Variants in GK5 observed in about 807,000 individuals in gnomAD.
The protein encoded by GK5 is ATP:glycerol 3-phosphotransferase 5.
Under a neutral mutation model 77.3 loss-of-function variants are expected in GK5, and 39 were observed. That is an observed-to-expected ratio of 0.50 (90% CI 0.39 to 0.66). The LOEUF is 0.66. Among genes scored for constraint, GK5 ranks in the 30% least tolerant of loss-of-function variants. GK5 has a pLI of 0.00. For synonymous variants in GK5, 211 were observed against 208.0 expected (o/e 1.01, Z -0.13); for missense variants, 487 against 633.8 (o/e 0.77, Z 2.49).
rs747203606 is a variant in GK5, at chr3:142,186,244, G to A, written c.705C>T (p.Thr235=). Reference sequence around the variant, plus strand: ...GAGAAAGTGGTATCGAAATTAGAGAGGTAATCATCCCACTCCAACACATCT... The same window carrying A: ...GAGAAAGTGGTATCGAAATTAGAGAAGTAATCATCCCACTCCAACACATCT... The part of the protein sequence containing the change: ...PYKMCWSGMI[T]SLISIPLSLL... The change falls in exon 8 of 16, where the codon ACC becomes ACT. Residue 235 remains threonine (T), a synonymous_variant. Transcript: ENST00000392993. 1.2e-6 allele frequency: 2 copies of A among 1,606,200 alleles called. No individual in the cohort carries two copies. Among genetic ancestry groups the A allele is most frequent in the Middle Eastern group, 1.7e-4 (1 of 6,046 alleles).
intron 2 of GK5, among the ~76,000 whole-genome samples, chr3:142,214,115 T>G (rs1016962352): frequency 1.3e-5 from 2 of 152,228 alleles, no homozygotes; most frequent in African/African-American, 4.8e-5. Flanking sequence ...TGAGCCACTG[T>G]GCCCGGCCTT....
At chr3:142,224,268 G>A (rs193252532) in intron 1 of GK5, among the ~76,000 whole-genome samples, 17 of 152,190 alleles carry the variant, frequency 1.1e-4, no homozygotes, top group African/African-American at 4.1e-4. Flanking sequence ...AATTTAGCCA[G>A]GCATGGTGGC....
chr3:142,182,074 A>G (rs1013128814), intron 10 of GK5, among the ~76,000 whole-genome samples: 3 of 152,220 alleles, frequency 2.0e-5, no homozygotes, highest in Admixed American at 2.0e-4. Context: ...GTTAGGGGAA[A>G]AAGAAGAGCT....
At chr3:142,183,187 ATCC>A in intron 9 of GK5, 138 bp from the exon 10 acceptor site, 4 of 738,934 alleles carry the variant, frequency 5.4e-6, no homozygotes, top group Non-Finnish European at 8.4e-6. Flanking sequence ...AAAAAAAAAA[ATCC>A]CAAAGAGAAT....
intron 2 of GK5, among the ~76,000 whole-genome samples, chr3:142,214,419 T>A (rs989096979): frequency 6.6e-6 from 1 of 152,170 alleles, no homozygotes; most frequent in African/African-American, 2.4e-5. Flanking sequence ...GCAACTCGAG[T>A]ATTTTTTGTG....
intron 3 of GK5, among the ~76,000 whole-genome samples, chr3:142,205,308 T>TA (rs886993670): frequency 2.8e-3 from 420 of 148,560 alleles, no homozygotes; most frequent in African/African-American, 7.9e-3. Context: ...AATATAGAAG[T>TA]AAAAAAAAAA....
At chr3:142,191,694 C>T (rs1229038913) in intron 5 of GK5, among the ~76,000 whole-genome samples, 2 of 152,030 alleles carry the variant, frequency 1.3e-5, no homozygotes, top group Non-Finnish European at 2.9e-5. Context: ...AAAAATTAGC[C>T]TCCTATAATC....
intron 12 of GK5, among the ~76,000 whole-genome samples, chr3:142,177,009 C>T (rs1194786024): frequency 6.6e-6 from 1 of 152,096 alleles, no homozygotes; most frequent in Non-Finnish European, 1.5e-5. Context: ...TGTACAAGTG[C>T]AAAATATACA....
intron 7 of GK5, 85 bp from the exon 8 acceptor site, chr3:142,186,352 G>T: frequency 5.1e-6 from 5 of 982,136 alleles, no homozygotes; most frequent in Non-Finnish European, 7.7e-6. Flanking sequence ...TGTTGTACAT[G>T]ATATATTTGT....
At chr3:142,192,945 T>A (rs1184445391) in intron 5 of GK5, among the ~76,000 whole-genome samples, 1 of 152,154 alleles carries the variant, frequency 6.6e-6, no homozygotes, top group East Asian at 1.9e-4. Context: ...TCCAACTATA[T>A]GATATTCTGG....
intron 11 of GK5, among the ~76,000 whole-genome samples, chr3:142,178,060 G>A (rs1208805709): frequency 6.6e-6 from 1 of 152,122 alleles, no homozygotes; most frequent in East Asian, 1.9e-4. Context: ...GTTTCTCCAT[G>A]TTGGTCAGGC....
intron 1 of GK5, among the ~76,000 whole-genome samples, chr3:142,220,370 C>T (rs917639073): frequency 1.3e-5 from 2 of 152,120 alleles, no homozygotes; most frequent in Admixed American, 6.5e-5. Context: ...CTCTTAACCT[C>T]GTGATCCGCC....
intron 1 of GK5, among the ~76,000 whole-genome samples, chr3:142,223,157 T>G (rs1208329811): frequency 6.6e-6 from 1 of 152,238 alleles, no homozygotes; most frequent in East Asian, 1.9e-4. Context: ...TCTTTGAGAT[T>G]CCTCACTTCA....
intron 3 of GK5, among the ~76,000 whole-genome samples, chr3:142,213,114 G>A (rs896920821): frequency 4.6e-5 from 7 of 152,058 alleles, no homozygotes; most frequent in South Asian, 2.1e-4. Flanking sequence ...GATTACAGGC[G>A]TGAGCCACCG....
chr3:142,222,362 G>A (rs775574486), intron 1 of GK5, among the ~76,000 whole-genome samples: 81 of 152,076 alleles, frequency 5.3e-4, no homozygotes, highest in Non-Finnish European at 9.1e-4. Context: ...TCAGGATATC[G>A]AGACCACCCT....
At chr3:142,207,542 T>G (rs185830331) in intron 3 of GK5, among the ~76,000 whole-genome samples, 57 of 151,700 alleles carry the variant, frequency 3.8e-4, no homozygotes, top group African/African-American at 1.4e-3. Flanking sequence ...TACATACAAA[T>G]GTACTGTACT....
At chr3:142,197,194 A>G (rs1560225434) in intron 5 of GK5, among the ~76,000 whole-genome samples, 1 of 152,196 alleles carries the variant, frequency 6.6e-6, no homozygotes, top group East Asian at 1.9e-4. Flanking sequence ...CTCAAAAAAA[A>G]GAGAAAAAAA....
At chr3:142,204,850 G>A in intron 3 of GK5, 62 bp from the exon 4 acceptor site, 1 of 942,444 alleles carries the variant, frequency 1.1e-6, no homozygotes, top group Non-Finnish European at 1.6e-6. Flanking sequence ...TTAAAGATGT[G>A]CCATAAGAGA....
chr3:142,225,210 G>GGGC, intron 1 of GK5, 99 bp downstream of exon 1: 3 of 1,306,272 alleles, frequency 2.3e-6, no homozygotes, highest in Non-Finnish European at 3.0e-6. Context: ...GCCGCGTCCA[G>GGGC]GGCGGTAGGT....
Sources: gnomAD v4.1 joint callset for allele counts (sites outside exome capture counted in the v4.1 genomes callset) on GRCh38, gnomAD v4.1.1 for gene constraint, MANE v1.5 for transcripts, NCBI Gene and HGNC (gene_info 2026-07-23, HGNC 2026-07-21) for gene names.